Variants in NINJ2 observed in about 807,000 individuals in gnomAD.
NINJ2 encodes the protein ninjurin-2.
In NINJ2, 12 loss-of-function variants were observed where a neutral mutation model predicts 11.7. The observed-to-expected ratio is 1.02, with a 90% confidence interval of 0.66 to 1.66. The LOEUF (loss-of-function observed/expected upper bound fraction) is 1.66. NINJ2 is among the 40% of genes most tolerant of loss of function. The probability of loss-of-function intolerance (pLI) is 0.00; values close to 1 mark genes in which losing one functional copy is unlikely to be tolerated. For missense variants in NINJ2, 187 were observed against 181.8 expected (o/e 1.03, Z -0.16); for synonymous variants, 93 against 76.8 (o/e 1.21, Z -1.10).
intron 1 of NINJ2, among the ~76,000 whole-genome samples, chr12:642,001 C>G (rs764948836): frequency 2.6e-5 from 4 of 152,170 alleles, no homozygotes; most frequent in African/African-American, 9.7e-5. Context: ...GACATGGTCC[C>G]GGCATGGCCT....
At chr12:660,845 C>T (rs1937948235) in intron 1 of NINJ2, among the ~76,000 whole-genome samples, 1 of 152,092 alleles carries the variant, frequency 6.6e-6, no homozygotes, top group Non-Finnish European at 1.5e-5. Flanking sequence ...CCTATAATCC[C>T]AGCTACTTGG....
chr12:566,708 C>A (rs536793802), intron 1 of NINJ2, among the ~76,000 whole-genome samples: 1 of 152,384 alleles, frequency 6.6e-6, no homozygotes, highest in South Asian at 2.1e-4. Flanking sequence ...AGCACTGGAG[C>A]TGCCGCCCTG....
intron 1 of NINJ2, among the ~76,000 whole-genome samples, chr12:616,512 G>C (rs145899040): frequency 0.011 from 1,667 of 152,320 alleles, 29 homozygotes; most frequent in African/African-American, 0.038. Flanking sequence ...TCATCTGTGC[G>C]TGAGCTTCAT....
At chr12:582,737 G>T (rs1947573904) in intron 1 of NINJ2, among the ~76,000 whole-genome samples, 1 of 86,490 alleles carries the variant, frequency 1.2e-5, no homozygotes, top group Non-Finnish European at 2.2e-5. Flanking sequence ...AGGCAGGCAT[G>T]CTAGAGTGAA....
At chr12:638,471 A>G (rs548507899) in intron 1 of NINJ2, among the ~76,000 whole-genome samples, 6 of 152,236 alleles carry the variant, frequency 3.9e-5, no homozygotes, top group South Asian at 4.1e-4. Flanking sequence ...GCTGGAGTGC[A>G]GTGGCGCAAT....
In NINJ2 at chr12:609,199, C is replaced by T. The variant is rs373706396; in HGVS notation, c.34-43021G>A. On this transcript the variant is annotated intron_variant, in intron 1 of 3. Transcript: ENST00000305108. ...CCACGCGCTAGGTGCTGAACGCACA[C>T]GCACGGCGCCACGCGCTAGGGGCTG... 4.4e-3 allele frequency among the ~76,000 whole-genome samples: 525 copies of T among 118,718 alleles called. 60 individuals are homozygous for T. The highest frequency in any genetic ancestry group is 0.015 in the African/African-American group (412 of 27,552). The allele number at this position is 118,718 out of a possible 152,430, so 77.9% of individuals were successfully genotyped here. A position where few individuals can be genotyped will look rare whatever the true frequency, so the allele number is the denominator to read the frequency against.
At chr12:582,533 G>T (rs559826827) in intron 1 of NINJ2, among the ~76,000 whole-genome samples, 2 of 82,018 alleles carry the variant, frequency 2.4e-5, no homozygotes, top group South Asian at 6.4e-4. Flanking sequence ...ATGGACGCAG[G>T]CAGGCAGGCA....
chr12:571,073 T>C (rs1318421888), intron 1 of NINJ2, among the ~76,000 whole-genome samples: 3 of 152,064 alleles, frequency 2.0e-5, no homozygotes, highest in Admixed American at 2.0e-4. Context: ...CCGCCCCACT[T>C]GCCCCTCCCC....
chr12:605,893 G>T (rs926379436), intron 1 of NINJ2, among the ~76,000 whole-genome samples: 2 of 152,194 alleles, frequency 1.3e-5, no homozygotes, highest in African/African-American at 4.8e-5. Flanking sequence ...CTACATGAAA[G>T]ATGGAGACCA....
intron 1 of NINJ2, among the ~76,000 whole-genome samples, chr12:608,270 A>G (rs1947965119): frequency 6.6e-6 from 1 of 152,146 alleles, no homozygotes; most frequent in African/African-American, 2.4e-5. Context: ...AACAAACTCT[A>G]CCATCATCCA....
At chr12:574,762 G>A (rs1038368839) in intron 1 of NINJ2, among the ~76,000 whole-genome samples, 2 of 152,210 alleles carry the variant, frequency 1.3e-5, no homozygotes, top group Admixed American at 1.3e-4. Flanking sequence ...ACACAAAACA[G>A]ACCAAGACAT....
chr12:625,814 G>A (rs909400376), intron 1 of NINJ2, among the ~76,000 whole-genome samples: 6 of 152,092 alleles, frequency 3.9e-5, no homozygotes, highest in East Asian at 1.9e-4. Context: ...TAGAGGGAAC[G>A]GATAAGCAAT....
chr12:659,799 A>T (rs1214392337), intron 1 of NINJ2, among the ~76,000 whole-genome samples: 4 of 152,188 alleles, frequency 2.6e-5, no homozygotes, highest in African/African-American at 9.7e-5. Context: ...CAGGGTTTCA[A>T]CGTCTCAGTG....
intron 1 of NINJ2, among the ~76,000 whole-genome samples, chr12:613,643 C>T (rs1414900945): frequency 4.6e-5 from 7 of 151,956 alleles, no homozygotes; most frequent in African/African-American, 9.7e-5. Flanking sequence ...CGGTGGCTCA[C>T]GCCTGTAATC....
chr12:593,535 G>GGCTAGCCTGGGCAACA (rs1947742770), intron 1 of NINJ2, among the ~76,000 whole-genome samples: 1 of 152,116 alleles, frequency 6.6e-6, no homozygotes, highest in Admixed American at 6.5e-5. Context: ...CTGGGCAACA[G>GGCTAGCCTGGGCAACA]GGCAAAACCC....
In NINJ2 at chr12:587,683, T is replaced by C. The variant is rs1309751821; in HGVS notation, c.34-21505A>G. Among the ~76,000 whole-genome samples the C allele has an allele frequency of 2.7e-5, 4 of 149,310 alleles. No individual in the cohort carries two copies. In the East Asian group the frequency reaches 8.5e-4, roughly 32 times the overall value. On this transcript the variant is annotated intron_variant, in intron 1 of 3. Transcript: ENST00000305108. ...CCATTCTTCCCTGCCCCGGGGCCTC[T>C]GTGCAGGTGGGGGGTGGGGGTGGCC...
chr12:657,366 G>T (rs1425762444), intron 1 of NINJ2, among the ~76,000 whole-genome samples: 1 of 152,072 alleles, frequency 6.6e-6, no homozygotes, highest in Non-Finnish European at 1.5e-5. Context: ...GAGGCGGGTG[G>T]ATCACAAGGT....
At chr12:646,376 C>T (rs11064042) in intron 1 of NINJ2, among the ~76,000 whole-genome samples, 2,051 of 152,246 alleles carry the variant, frequency 0.013, 48 homozygotes, top group African/African-American at 0.047. Context: ...GGGCACTGCC[C>T]GTGAGTGCCT....
intron 1 of NINJ2, among the ~76,000 whole-genome samples, chr12:662,394 AAC>A (rs910393104): frequency 1.4e-5 from 2 of 148,088 alleles, no homozygotes; most frequent in African/African-American, 5.1e-5. Flanking sequence ...CCCTGCCCAA[AAC>A]ACACACAGAG....
Sources: gnomAD v4.1 joint callset for allele counts (sites outside exome capture counted in the v4.1 genomes callset) on GRCh38, gnomAD v4.1.1 for gene constraint, MANE v1.5 for transcripts, NCBI Gene and HGNC (gene_info 2026-07-23, HGNC 2026-07-21) for gene names.